Variants in EMC3 observed in about 807,000 individuals in gnomAD.
The protein encoded by EMC3 is 30 kDa protein.
Under a neutral mutation model 36.6 loss-of-function variants are expected in EMC3, and 13 were observed. The ratio of observed to expected loss-of-function variants is 0.35; its 90% CI spans 0.23 to 0.56. EMC3 has a LOEUF of 0.56. Among genes scored for constraint, EMC3 ranks in the 20% least tolerant of loss-of-function variants. The pLI, the probability that EMC3 is intolerant of heterozygous loss-of-function variation, is 0.84. For missense variants in EMC3, 220 were observed against 324.5 expected, an observed-to-expected ratio of 0.68 and a Z score of 2.47; for synonymous variants, 120 against 111.9, an observed-to-expected ratio of 1.07 and a Z score of -0.46.
chr3:9,969,555 T>A (rs962277217), intron 7 of EMC3, 164 bp downstream of exon 7: 1 of 1,509,616 alleles, frequency 6.6e-7, no homozygotes, highest in African/African-American at 1.4e-5. Context: ...ACTTAATAGA[T>A]GATTCTGTCT....
chr3:9,984,802 CA>C (rs1347008134), intron 1 of EMC3, among the ~76,000 whole-genome samples: 1 of 152,172 alleles, frequency 6.6e-6, no homozygotes, highest in East Asian at 1.9e-4. Flanking sequence ...GGAAAAAGCC[CA>C]ATACCCAGAA....
chr3:9,975,793 G>A (rs931237599), intron 3 of EMC3, among the ~76,000 whole-genome samples: 1 of 135,452 alleles, frequency 7.4e-6, no homozygotes, highest in African/African-American at 2.8e-5. Flanking sequence ...GCCTGGGTGA[G>A]AGAGCGAGAC....
At chr3:9,991,112 G>GC (rs2124926046), upstream of EMC3, among the ~76,000 whole-genome samples, 1 of 152,306 alleles carries the variant, frequency 6.6e-6, no homozygotes, top group East Asian at 1.9e-4. Context: ...ACAGGTGTGA[G>GC]CCACCGCGCC....
intron 3 of EMC3, 36 bp downstream of exon 3, chr3:9,976,921 A>T (rs760496006): frequency 1.3e-5 from 19 of 1,507,130 alleles, no homozygotes; most frequent in Middle Eastern, 3.5e-4. Context: ...CATGTTAAAA[A>T]TCTTCCTTAA....
upstream of EMC3, chr3:9,988,478 G>A (rs2086006041): frequency 1.5e-6 from 2 of 1,334,230 alleles, no homozygotes; most frequent in Admixed American, 1.7e-5. Flanking sequence ...CTGGATTAAG[G>A]TGGGATCTTT....
intron 1 of EMC3, among the ~76,000 whole-genome samples, chr3:9,981,096 T>G (rs2085906775): frequency 6.6e-6 from 1 of 152,094 alleles, no homozygotes; most frequent in Admixed American, 6.5e-5. Flanking sequence ...TCCCAGCTAC[T>G]CGGGAGGCTG....
At chr3:10,001,838 A>G (rs951599698) in intron 1 of EMC3, among the ~76,000 whole-genome samples, 2 of 151,552 alleles carry the variant, frequency 1.3e-5, no homozygotes, top group African/African-American at 4.9e-5. Context: ...TCTACTGAAA[A>G]TACAAAAAAA....
chr3:9,969,323 A>G (rs1408529483), intron 7 of EMC3: 2 of 1,110,552 alleles, frequency 1.8e-6, no homozygotes, highest in African/African-American at 3.4e-5. Context: ...CACAAAAATC[A>G]TACTAAATTT....
intron 5 of EMC3, among the ~76,000 whole-genome samples, chr3:9,973,351 C>T (rs762470057): frequency 1.3e-5 from 2 of 151,930 alleles, no homozygotes; most frequent in African/African-American, 2.4e-5. Context: ...CCCGCCACCA[C>T]GCCTGGCTAA....
chr3:9,990,541 G>A (rs531450841), upstream of EMC3, among the ~76,000 whole-genome samples: 1 of 151,444 alleles, frequency 6.6e-6, no homozygotes, highest in Admixed American at 6.6e-5. Context: ...AGAGAGTTTC[G>A]CTCTTTTGCC....
At chr3:9,970,927 CT>C (rs35290702) in intron 5 of EMC3, among the ~76,000 whole-genome samples, 99 of 146,806 alleles carry the variant, frequency 6.7e-4, no homozygotes, top group Middle Eastern at 3.5e-3. Context: ...GTGTTCCATA[CT>C]TTTTTTTTTT....
chr3:9,974,219 T>C (rs540678371), intron 4 of EMC3, among the ~76,000 whole-genome samples, 165 bp downstream of exon 4: 33 of 152,196 alleles, frequency 2.2e-4, no homozygotes, highest in Non-Finnish European at 4.0e-4. Context: ...GTCATGAACT[T>C]AGGATCATTT....
chr3:9,999,078 G>A (rs1368945708), intron 1 of EMC3, among the ~76,000 whole-genome samples: 1 of 151,950 alleles, frequency 6.6e-6, no homozygotes, highest in African/African-American at 2.4e-5. Context: ...TTTTAAATTG[G>A]GTTTTTGTCA....
chr3:10,008,490 G>A (rs1423477066), intron 1 of EMC3: 2 of 1,366,876 alleles, frequency 1.5e-6, no homozygotes, highest in East Asian at 4.5e-5. Flanking sequence ...TTCTTCTCCT[G>A]GGGGGCTGAC....
intron 6 of EMC3, 27 bp downstream of exon 6, chr3:9,970,555 G>C (rs1254966096): frequency 6.2e-7 from 1 of 1,610,550 alleles, no homozygotes; most frequent in Admixed American, 1.7e-5. Flanking sequence ...GGAAGTATTT[G>C]CTTAGTAAAC....
intron 1 of EMC3, among the ~76,000 whole-genome samples, chr3:9,998,239 G>A (rs1338517634): frequency 1.3e-4 from 20 of 151,436 alleles, no homozygotes; most frequent in Non-Finnish European, 2.5e-4. Flanking sequence ...GGTGGTGTGC[G>A]CCTGTAGTAC....
chr3:9,984,237 A>C (rs993628606), intron 1 of EMC3, among the ~76,000 whole-genome samples: 2 of 143,424 alleles, frequency 1.4e-5, no homozygotes, highest in African/African-American at 5.2e-5. Flanking sequence ...ACGTGCCATC[A>C]CGCCCAGCTA....
At position 9,964,209 on chromosome 3, in the gene EMC3, G is replaced by A. The variant is rs375530196; in HGVS notation, c.658-12C>T. The A allele has an allele frequency of 5.6e-6, 9 of 1,613,522 alleles. No individual in the cohort carries two copies. In the African/African-American group the frequency reaches 1.2e-4, roughly 22 times the overall value. On this transcript the variant is annotated splice_polypyrimidine_tract_variant and intron_variant, in intron 7 of 7. Transcript: ENST00000245046. Reference sequence around the variant, plus strand: ...GCTTCCCACTCTGTCTGTAATGGAAGAGAACACCCAGGCAGGAAGAGAGGG... The same window carrying A: ...GCTTCCCACTCTGTCTGTAATGGAAAAGAACACCCAGGCAGGAAGAGAGGG...
intron 1 of EMC3, among the ~76,000 whole-genome samples, chr3:10,006,089 C>T (rs962617682): frequency 6.6e-6 from 1 of 152,154 alleles, no homozygotes; most frequent in Non-Finnish European, 1.5e-5. Context: ...AGTGAAGCCC[C>T]CAGCATGACC....
Sources: gnomAD v4.1 joint callset for allele counts (sites outside exome capture counted in the v4.1 genomes callset) on GRCh38, gnomAD v4.1.1 for gene constraint, MANE v1.5 for transcripts, NCBI Gene and HGNC (gene_info 2026-07-23, HGNC 2026-07-21) for gene names.